Variants in RNF14 observed in about 807,000 individuals in gnomAD.
RNF14 encodes ring finger protein 14.
A neutral mutation model predicts 52.6 loss-of-function variants in RNF14; 26 were observed. That is an observed-to-expected ratio of 0.49 (90% CI 0.36 to 0.69). The LOEUF is 0.69. RNF14 is among the 30% of genes least tolerant of loss of function. The pLI is 0.00. For missense variants in RNF14, 404 were observed against 560.4 expected (o/e 0.72, Z 2.82); for synonymous variants, 194 against 202.0 (o/e 0.96, Z 0.34).
In RNF14 at chr5:141,984,895, C is replaced by G. The variant is rs767430881; in HGVS notation, c.1329C>G (p.Tyr443Ter). The change falls in exon 8 of 9, where the codon TAC becomes TAG. Residue 443 changes from tyrosine to a stop codon, truncating the protein, a stop_gained. Transcript: ENST00000394520. LOFTEE classifies it high-confidence loss of function. ...GTTCTCTCTCTAGAGCAAACCCTTA[C>G]AAACATTTCAATGACCCTGGTTCAC... ...CMGSLSRANP[Y>*]KHFNDPGSPC... 4 of 1,613,928 alleles carry G rather than the reference C, an allele frequency of 2.5e-6. No homozygotes were observed. Among genetic ancestry groups the G allele is most frequent in the South Asian group, 1.1e-5 (1 of 91,078 alleles).
At chr5:141,974,472 C>G (rs1247599706) in intron 3 of RNF14, among the ~76,000 whole-genome samples, 2 of 152,174 alleles carry the variant, frequency 1.3e-5, no homozygotes, top group East Asian at 3.8e-4. Context: ...TAGATTGTGT[C>G]TTCAATCATC....
At position 141,978,846 on chromosome 5, in the gene RNF14, G is replaced by A. The variant is rs1341902023; in HGVS notation, c.834+16G>A. On this transcript the variant is annotated intron_variant, in intron 5 of 8. Transcript: ENST00000394520. ...TCCTGGTCAGGTAACTGTTTACCCT[G>A]CTGATGGTTGCCTCCTAATTCTCTT... The A allele has an allele frequency of 6.2e-7, 1 of 1,606,350 alleles. No individual in the cohort carries two copies. The highest frequency in any genetic ancestry group is 1.7e-5 in the Admixed American group (1 of 59,660).
At chr5:141,957,932 G>T, upstream of RNF14, 1 of 1,486,680 alleles carries the variant, frequency 6.7e-7, no homozygotes, top group South Asian at 1.3e-5. The surrounding 1 kb of genome is among the most constrained non-coding windows in gnomAD (Gnocchi z 4.3). Context: ...TTCCTGGATG[G>T]CTTGATCAGC....
chr5:141,957,304 T>A, upstream of RNF14: 1 of 1,613,436 alleles, frequency 6.2e-7, no homozygotes. The surrounding 1 kb of genome is among the most constrained non-coding windows in gnomAD (Gnocchi z 4.3). Flanking sequence ...CACAATGACA[T>A]CCAAGGCAAA....
At chr5:141,978,112 G>A (rs1200007110) in intron 4 of RNF14, among the ~76,000 whole-genome samples, 191 bp from the exon 5 acceptor site, 3 of 151,184 alleles carry the variant, frequency 2.0e-5, no homozygotes, top group Admixed American at 6.6e-5. Flanking sequence ...TCATGTTGCC[G>A]AATAGTTTAA....
At chr5:141,980,399 A>G (rs745772334) in intron 6 of RNF14, 48 bp downstream of exon 6, 1 of 1,367,352 alleles carries the variant, frequency 7.3e-7, no homozygotes, top group African/African-American at 1.4e-5. Context: ...TCTCTCCCTC[A>G]CATTTCACTC....
intron 2 of RNF14, among the ~76,000 whole-genome samples, chr5:141,971,975 A>G (rs1038325647): frequency 6.6e-6 from 1 of 152,176 alleles, no homozygotes; most frequent in African/African-American, 2.4e-5. Flanking sequence ...AGTATTACCT[A>G]AAATAATGGT....
At chr5:141,970,368 A>T (rs1048304845) in intron 1 of RNF14, among the ~76,000 whole-genome samples, 2 of 152,230 alleles carry the variant, frequency 1.3e-5, no homozygotes, top group Admixed American at 6.5e-5. Context: ...AAGAAGCAGA[A>T]GAGGAAAGGA....
chr5:141,969,595 G>A (rs1418884019), intron 1 of RNF14: 1 of 152,300 alleles, frequency 6.6e-6, no homozygotes, highest in Non-Finnish European at 1.5e-5. Context: ...AGAAGGAAAT[G>A]GGGGTTAGCA....
upstream of RNF14, chr5:141,956,375 C>T (rs755883332): frequency 1.2e-6 from 2 of 1,614,214 alleles, no homozygotes; most frequent in South Asian, 1.1e-5. Context: ...GAGACTTTTC[C>T]ATTAATGCCC....
chr5:141,971,052 C>CA (rs1431166125), intron 2 of RNF14, among the ~76,000 whole-genome samples, 175 bp downstream of exon 2: 2 of 152,090 alleles, frequency 1.3e-5, no homozygotes, highest in East Asian at 3.8e-4. Flanking sequence ...TACTTATGTA[C>CA]ATTTTAATTA....
intron 8 of RNF14, among the ~76,000 whole-genome samples, chr5:141,987,369 A>G (rs543047305): frequency 6.6e-6 from 1 of 152,206 alleles, no homozygotes; most frequent in South Asian, 2.1e-4. Flanking sequence ...TTGATGGTCA[A>G]ACTTATTTTG....
At chr5:141,971,371 A>G (rs914063443) in intron 2 of RNF14, among the ~76,000 whole-genome samples, 1 of 151,722 alleles carries the variant, frequency 6.6e-6, no homozygotes, top group Non-Finnish European at 1.5e-5. Context: ...TCTCCTGAGT[A>G]GCTGGGACTA....
intron 4 of RNF14, 33 bp from the exon 5 acceptor site, chr5:141,978,270 A>G (rs1312890020): frequency 1.3e-6 from 2 of 1,527,016 alleles, no homozygotes; most frequent in African/African-American, 2.8e-5. Context: ...CATCTTTCCA[A>G]ACTCACCAAC....
chr5:141,977,886 G>C (rs1703785168), intron 4 of RNF14, among the ~76,000 whole-genome samples: 1 of 152,074 alleles, frequency 6.6e-6, no homozygotes, highest in South Asian at 2.1e-4. Flanking sequence ...ATACGAACAG[G>C]GCTAGGACTC....
At chr5:141,972,872 C>T (rs1412222355) in intron 2 of RNF14, among the ~76,000 whole-genome samples, 4 of 152,042 alleles carry the variant, frequency 2.6e-5, no homozygotes, top group African/African-American at 7.3e-5. Flanking sequence ...ATTACAGGCA[C>T]GAGCCACCGC....
chr5:141,979,972 T>A, intron 5 of RNF14, 151 bp from the exon 6 acceptor site: 1 of 643,894 alleles, frequency 1.6e-6, no homozygotes, highest in Non-Finnish European at 2.8e-6. Context: ...AATTGTCATC[T>A]CAGTCAAAAT....
chr5:141,973,824 T>G (rs2126990253), intron 3 of RNF14, 82 bp downstream of exon 3: 1 of 1,245,284 alleles, frequency 8.0e-7, no homozygotes, highest in Non-Finnish European at 1.1e-6. Flanking sequence ...ATTTTGTGTT[T>G]TAGGCATTAG....
chr5:141,988,795 C>T lies in RNF14; in HGVS notation c.*1005C>T, dbSNP rs576061668. On this transcript the variant is annotated 3_prime_UTR_variant, in exon 9 of 9. Coordinates refer to ENST00000394520, the MANE Select transcript of RNF14 (RefSeq NM_004290.5). ...TATACTACAGTAGTTCCAGTCCTAA[C>T]TTTCTGAATTATTTTTAAAGATCTT... 2.0e-5 allele frequency: 3 copies of T among 152,372 alleles called. No individual in the cohort carries two copies. The highest frequency in any genetic ancestry group is 6.5e-5 in the Admixed American group (1 of 15,290). 9.4% of individuals were successfully genotyped at this position (152,372 alleles called of 1,614,324 possible). A position where few individuals can be genotyped will look rare whatever the true frequency, so the allele number is the denominator to read the frequency against.
Sources: gnomAD v4.1 joint callset for allele counts (sites outside exome capture counted in the v4.1 genomes callset) on GRCh38, gnomAD v4.1.1 for gene constraint, Gnocchi (gnomAD v3.1) non-coding constraint, MANE v1.5 for transcripts, NCBI Gene and HGNC (gene_info 2026-07-23, HGNC 2026-07-21) for gene names.